The following LIN28A variants were observed in gnomAD, a reference collection of about 807,000 sequenced individuals.
The protein encoded by LIN28A is protein lin-28 homolog A.
In LIN28A, 11 loss-of-function variants were observed where a neutral mutation model predicts 21.1. The ratio of observed to expected loss-of-function variants is 0.52; its 90% CI spans 0.33 to 0.86. LIN28A has a LOEUF of 0.86. Ranked by LOEUF, LIN28A falls within the 40% of genes least tolerant of loss-of-function variation. LIN28A has a pLI of 0.03. For synonymous variants in LIN28A, 111 were observed against 108.7 expected, an observed-to-expected ratio of 1.02 and a Z score of -0.13; for missense variants, 219 against 279.8, an observed-to-expected ratio of 0.78 and a Z score of 1.55.
chr1:26,411,333 G>C lies in LIN28A; in HGVS notation c.32-53G>C. On this transcript the variant is annotated intron_variant, in intron 1 of 3. Coordinates refer to ENST00000326279, the MANE Select transcript of LIN28A (RefSeq NM_024674.6). The surrounding 1 kb of genome is among the most constrained non-coding windows in gnomAD (Gnocchi z 5.4). ...GGTCTCCCTGCCTGGGGCCCGAGAC[G>C]GCCCTCCGATTCCGTGCCCCCCAGC... 6.8e-7 allele frequency: 1 copy of C among 1,462,546 alleles called. No homozygotes were observed. The highest frequency in any genetic ancestry group is 9.0e-7 in the Non-Finnish European group (1 of 1,109,336). The allele number at this position is 1,462,546 out of a possible 1,614,324, so 90.6% of individuals were successfully genotyped here. A position where few individuals can be genotyped will look rare whatever the true frequency, so the allele number is the denominator to read the frequency against.
Position 26,426,421 on chromosome 1 carries a change from T to C in LIN28A, c.593T>C (p.Ile198Thr). ...TACTTTCGAGAGGAAGAAGAAGAAA[T>C]CCACAGCCCTACCCTGCTCCCGGAG... is the stretch of plus-strand genomic sequence containing the variant. ...PTYFREEEEE[I>T]HSPTLLPEAQ... The change falls in exon 4 of 4, where the codon ATC (isoleucine) becomes ACC (threonine). Residue 198 changes from isoleucine (I) to threonine (T), a missense_variant. Around this residue, in one of 3 missense-constraint regions of LIN28A, gnomAD observed 45 missense variants for 37.7 expected, o/e 1.19. Coordinates refer to ENST00000326279, the MANE Select transcript of LIN28A (RefSeq NM_024674.6). 2.5e-6 allele frequency: 4 copies of C among 1,614,140 alleles called. No homozygotes were observed. The highest frequency in any genetic ancestry group is 3.4e-6 in the Non-Finnish European group (4 of 1,180,014).
In LIN28A at chr1:26,411,602, CTT is replaced by C. The variant is rs1217263160; in HGVS notation, c.228+22_228+23del. 6.2e-7 allele frequency: 1 copy of C among 1,606,000 alleles called. No homozygotes were observed. The highest frequency in any genetic ancestry group is 2.2e-5 in the East Asian group (1 of 44,672). Reference sequence around the variant, plus strand: ...CACCAGGTGAGACTGATTCCGGTAACTTTGCCCAGGGAAGGGCGTCTAGGCGC... The same window carrying C: ...CACCAGGTGAGACTGATTCCGGTAACTGCCCAGGGAAGGGCGTCTAGGCGC... On this transcript the variant is annotated intron_variant, in intron 2 of 3. Coordinates refer to ENST00000326279, the MANE Select transcript of LIN28A (RefSeq NM_024674.6). The surrounding 1 kb of genome is among the most constrained non-coding windows in gnomAD (Gnocchi z 5.4).
chr1:26,411,641 G>A lies in LIN28A; in HGVS notation c.228+59G>A, dbSNP rs2074960241. 3 of 1,542,474 alleles carry A rather than the reference G, an allele frequency of 1.9e-6. No individual in the cohort carries two copies. In the Admixed American group the frequency reaches 6.0e-5, roughly 31 times the overall value. Reference sequence around the variant, plus strand: ...GGGCGTCTAGGCGCCCATATCCACGGGTGGGCTCCGGGCTCGCAGTTGAAT... The same window carrying A: ...GGGCGTCTAGGCGCCCATATCCACGAGTGGGCTCCGGGCTCGCAGTTGAAT... On this transcript the variant is annotated intron_variant, in intron 2 of 3. Coordinates refer to ENST00000326279, the MANE Select transcript of LIN28A (RefSeq NM_024674.6). The surrounding 1 kb of genome is among the most constrained non-coding windows in gnomAD (Gnocchi z 5.4).
chr1:26,416,679 G>A (rs1171454260), intron 2 of LIN28A, among the ~76,000 whole-genome samples: 16 of 151,968 alleles, frequency 1.1e-4, no homozygotes, highest in Admixed American at 4.6e-4. Context: ...GTGCAGTGGC[G>A]CCGTCTTAGC....
rs112203704 is a variant in LIN28A at position 26,418,783 on chromosome 1, C to G, written c.229-6520C>G. On this transcript the variant is annotated intron_variant, in intron 2 of 3. Transcript: ENST00000326279. ...GGTTCTATCCATGAAGTGGGCAGTG[C>G]GCAAGCCAGAGAAGGGAGATGGCTG... Among the ~76,000 whole-genome samples, 1,056 of 152,220 alleles carry G rather than the reference C, an allele frequency of 6.9e-3. 8 individuals are homozygous for G. Among genetic ancestry groups the G allele is most frequent in the African/African-American group, 0.024 (1,009 of 41,516 alleles).
intron 2 of LIN28A, among the ~76,000 whole-genome samples, chr1:26,424,236 A>C (rs1465507601): frequency 6.6e-6 from 1 of 151,446 alleles, no homozygotes; most frequent in African/African-American, 2.4e-5. Context: ...GTGACATTTT[A>C]TTTTTATTTT....
intron 2 of LIN28A, among the ~76,000 whole-genome samples, chr1:26,414,105 A>G (rs965160672): frequency 2.6e-5 from 4 of 152,164 alleles, no homozygotes; most frequent in African/African-American, 9.7e-5. Context: ...CTGGGATTAC[A>G]GGCATGAGCC....
intron 2 of LIN28A, among the ~76,000 whole-genome samples, chr1:26,418,871 C>T (rs1486866088): frequency 1.3e-5 from 2 of 152,076 alleles, no homozygotes; most frequent in East Asian, 1.9e-4. Flanking sequence ...AGTTCTCTCC[C>T]GTGACCATAA....
chr1:26,417,982 A>G (rs1375672288), intron 2 of LIN28A, among the ~76,000 whole-genome samples: 1 of 151,482 alleles, frequency 6.6e-6, no homozygotes, highest in African/African-American at 2.4e-5. Flanking sequence ...TGGAGAAAGG[A>G]CACTTAGGTT....
intron 2 of LIN28A, among the ~76,000 whole-genome samples, chr1:26,419,584 C>T (rs1427217153): frequency 6.6e-6 from 1 of 152,146 alleles, no homozygotes; most frequent in Admixed American, 6.5e-5. Context: ...TGTTAACCCA[C>T]GCCACCCAGT....
chr1:26,425,434 T>C lies in LIN28A; in HGVS notation c.360T>C (p.Ser120=). 6.2e-7 allele frequency: 1 copy of C among 1,613,744 alleles called. No individual in the cohort carries two copies. Among genetic ancestry groups the C allele is most frequent in the Non-Finnish European group, 8.5e-7 (1 of 1,179,940 alleles). ...TGPGGVFCIG[S]ERRPKGKSMQ... ...CTGGTGGAGTATTCTGTATTGGGAG[T>C]GAGAGGCGGCCAAAAGGAAAGAGCA... Residue 120 remains serine, a synonymous_variant, in exon 3 of 4, where the codon AGT becomes AGC. Coordinates refer to ENST00000326279, the MANE Select transcript of LIN28A (RefSeq NM_024674.6).
rs896411597 is a variant in LIN28A, at chr1:26,429,175, AAAC to A, written c.*2720_*2722del. 1 of 162,782 alleles carries A rather than the reference AAAC, an allele frequency of 6.1e-6. No individual in the cohort carries two copies. The highest frequency in any genetic ancestry group is 1.3e-5 in the Non-Finnish European group (1 of 76,300). 10.1% of individuals were successfully genotyped at this position (162,782 alleles called of 1,614,324 possible). On this transcript the variant is annotated 3_prime_UTR_variant, in exon 4 of 4. Coordinates refer to ENST00000326279, the MANE Select transcript of LIN28A (RefSeq NM_024674.6). ...GCAAGACTCTGTCTCAAACAAAACAAAACAAAACAAAAACACACTACTGTATTT... is the reference window on the plus strand; with the variant it reads ...GCAAGACTCTGTCTCAAACAAAACAAAAAACAAAAACACACTACTGTATTT...
chr1:26,425,502 G>T lies in LIN28A; in HGVS notation c.413+15G>T. ...AAAGGAGACAGGTATGGATTGGAAG[G>T]CAGCTTATATAGGTTGCTAAGGGCA... On this transcript the variant is annotated intron_variant, in intron 3 of 3. Coordinates refer to ENST00000326279, the MANE Select transcript of LIN28A (RefSeq NM_024674.6). The T allele has an allele frequency of 2.5e-6, 4 of 1,612,434 alleles. No homozygotes were observed. The highest frequency in any genetic ancestry group is 3.4e-6 in the Non-Finnish European group (4 of 1,178,838).
At chr1:26,414,359 G>T (rs567333114) in intron 2 of LIN28A, among the ~76,000 whole-genome samples, 1 of 152,234 alleles carries the variant, frequency 6.6e-6, no homozygotes, top group African/African-American at 2.4e-5. Context: ...AGGGGGTCAG[G>T]GAGCCCCTTT....
At chr1:26,418,551 A>G (rs554057800) in intron 2 of LIN28A, among the ~76,000 whole-genome samples, 19 of 151,666 alleles carry the variant, frequency 1.3e-4, no homozygotes, top group Non-Finnish European at 2.2e-4. Flanking sequence ...TTAAAAAAAA[A>G]AAAAAGAAAA....
intron 2 of LIN28A, among the ~76,000 whole-genome samples, chr1:26,413,253 G>C (rs1190235504): frequency 2.6e-5 from 4 of 152,158 alleles, no homozygotes; most frequent in Non-Finnish European, 5.9e-5. Flanking sequence ...GAATAAAAGA[G>C]TCAGACCCAA....
In LIN28A at chr1:26,426,502, G is replaced by C. The variant is rs747220883; in HGVS notation, c.*44G>C. On this transcript the variant is annotated 3_prime_UTR_variant, in exon 4 of 4. Coordinates refer to ENST00000326279, the MANE Select transcript of LIN28A (RefSeq NM_024674.6). ...TATTCTTTTGCTATCAGGAAGTTTTGAGGAGCAGGCAGAGTGGAGAAAGTG... is the reference window on the plus strand; with the variant it reads ...TATTCTTTTGCTATCAGGAAGTTTTCAGGAGCAGGCAGAGTGGAGAAAGTG... 2 of 1,482,944 alleles carry C rather than the reference G, an allele frequency of 1.3e-6. No individual in the cohort carries two copies. The highest frequency in any genetic ancestry group is 2.3e-5 in the South Asian group (2 of 87,328). 91.9% of individuals were successfully genotyped at this position (1,482,944 alleles called of 1,614,324 possible).
At position 26,426,354 on chromosome 1, in the gene LIN28A, C is replaced by G. The variant is rs1226643464; in HGVS notation, c.526C>G (p.Leu176Val). ...CAGCCATATGGTAGCCTCATGTCCG[C>G]TGAAGGCCCAGCAGGGCCCTAGTGC... Reference protein sequence around the residue: ...SISHMVASCPLKAQQGPSAQG... With the variant: ...SISHMVASCPVKAQQGPSAQG... The change falls in exon 4 of 4, where the codon CTG becomes GTG. Residue 176 changes from leucine (L) to valine (V), a missense_variant. This residue lies in a region of LIN28A where 124 missense variants were observed against 193.1 expected (regional missense o/e 0.64). Transcript: ENST00000326279. 7.4e-6 allele frequency: 12 copies of G among 1,614,080 alleles called. No homozygotes were observed. The African/African-American group carries it at 8.0e-5, about 11-fold the overall frequency.
intron 2 of LIN28A, among the ~76,000 whole-genome samples, chr1:26,422,571 C>G (rs1456091797): frequency 1.3e-5 from 2 of 152,178 alleles, no homozygotes; most frequent in Non-Finnish European, 2.9e-5. Context: ...GATGTTCCCT[C>G]AAGGTTAGAT....
Sources: allele counts gnomAD v4.1 joint callset (sites outside exome capture counted in the v4.1 genomes callset), GRCh38; gene constraint gnomAD v4.1.1; regional missense constraint gnomAD v4.1.1; non-coding constraint Gnocchi (gnomAD v3.1); transcripts MANE v1.5; gene names NCBI Gene and HGNC (gene_info 2026-07-23, HGNC 2026-07-21).